DNAJC3: variants seen among roughly 807,000 people sequenced by gnomAD.
DNAJC3 encodes DnaJ heat shock protein family (Hsp40) member C3.
Under a neutral mutation model 68.6 loss-of-function variants are expected in DNAJC3, and 38 were observed. The observed-to-expected ratio is 0.55, with a 90% CI of 0.43 to 0.73. The LOEUF (loss-of-function observed/expected upper bound fraction) is 0.73, where lower values mean the gene tolerates loss of function less well. Among genes scored for constraint, DNAJC3 ranks in the 30% least tolerant of loss-of-function variants. The pLI is 0.00. For missense variants in DNAJC3, 526 were observed against 591.9 expected (o/e 0.89, Z 1.16); for synonymous variants, 203 against 204.0 (o/e 1.00, Z 0.04).
intron 9 of DNAJC3, among the ~76,000 whole-genome samples, chr13:95,775,469 A>G (rs77691702): frequency 0.011 from 1,732 of 152,240 alleles, 34 homozygotes; most frequent in African/African-American, 0.04. Flanking sequence ...TACAGCTTTA[A>G]TGTAATATAA....
At chr13:95,740,509 C>G (rs1407527992) in intron 4 of DNAJC3, among the ~76,000 whole-genome samples, 5 of 152,334 alleles carry the variant, frequency 3.3e-5, no homozygotes, top group Middle Eastern at 3.4e-3. Flanking sequence ...GATATAATCT[C>G]GTGGTGCGCC....
chr13:95,788,984 G>C (rs1785345740), intron 11 of DNAJC3, among the ~76,000 whole-genome samples: 1 of 152,168 alleles, frequency 6.6e-6, no homozygotes, highest in South Asian at 2.1e-4. Context: ...TGTGGCTTCA[G>C]ATTAACCTCC....
chr13:95,737,274 A>G (rs1341392067), intron 4 of DNAJC3, among the ~76,000 whole-genome samples: 1 of 152,164 alleles, frequency 6.6e-6, no homozygotes, highest in Non-Finnish European at 1.5e-5. Context: ...ATATTGGTCT[A>G]AAATTCTCTT....
chr13:95,709,732 C>T (rs1366856443), intron 2 of DNAJC3, among the ~76,000 whole-genome samples: 23 of 151,246 alleles, frequency 1.5e-4, no homozygotes, highest in East Asian at 5.8e-4. Flanking sequence ...CTCTGCCTCC[C>T]GGGTTCATAC....
intron 1 of DNAJC3, among the ~76,000 whole-genome samples, chr13:95,688,680 T>G (rs1217229438): frequency 6.6e-6 from 1 of 152,116 alleles, no homozygotes; most frequent in Admixed American, 6.6e-5. Context: ...GCCTGGCTAC[T>G]TTTTTGCAGA....
intron 2 of DNAJC3, among the ~76,000 whole-genome samples, chr13:95,720,134 T>C (rs1881276868): frequency 1.3e-5 from 2 of 152,214 alleles, no homozygotes; most frequent in South Asian, 4.1e-4. Flanking sequence ...CAGTAAGGGA[T>C]ATGTATTATA....
In DNAJC3 at chr13:95,784,852, T is replaced by TA. The variant is rs17884136; in HGVS notation, c.1076-1086dup. Among the ~76,000 whole-genome samples, 510 of 152,254 alleles carry TA rather than the reference T, an allele frequency of 3.3e-3. 4 individuals carry two copies. The highest frequency in any genetic ancestry group is 0.011 in the African/African-American group (458 of 41,542). On this transcript the variant is annotated intron_variant, in intron 9 of 11. Coordinates refer to ENST00000602402, the MANE Select transcript of DNAJC3 (RefSeq NM_006260.5). ...TGCTGGGCGTGGTGGTGCGTGCCTG[T>TA]AGTCCCAGCTACTTCATGGGCCTGA...
intron 6 of DNAJC3, 147 bp from the exon 7 acceptor site, chr13:95,760,532 T>A: frequency 9.9e-7 from 1 of 1,013,016 alleles, no homozygotes; most frequent in Non-Finnish European, 1.4e-6. Context: ...CAATGCCACG[T>A]ATAAATGTAT....
In DNAJC3 at chr13:95,786,015, A is replaced by G. The variant is rs374042402; in HGVS notation, c.1152A>G (p.Gln384=). 2.5e-6 allele frequency: 4 copies of G among 1,611,982 alleles called. No homozygotes were observed. Among genetic ancestry groups the G allele is most frequent in the South Asian group, 1.1e-5 (1 of 90,336 alleles). The change falls in exon 10 of 12, where the codon CAA becomes CAG. Residue 384 remains glutamine (Q), a synonymous_variant. Transcript: ENST00000602402. ...QQIREGLEKA[Q]RLLKQSQKRD... is the part of the protein sequence containing the mutation. ...TTCGAGAAGGTCTAGAGAAAGCACA[A>G]AGATTATTGAAACAGTCGCAGAAAC...
chr13:95,749,815 C>T (rs957272514), intron 4 of DNAJC3, among the ~76,000 whole-genome samples: 1 of 151,930 alleles, frequency 6.6e-6, no homozygotes, highest in Non-Finnish European at 1.5e-5. Flanking sequence ...TTTGTGAGGC[C>T]GAGGCAGGCG....
intron 1 of DNAJC3, among the ~76,000 whole-genome samples, chr13:95,702,189 G>A (rs9561935): frequency 0.41 from 61,600 of 151,988 alleles, 12,979 homozygotes; most frequent in East Asian, 0.5. Context: ...ATATAACTGT[G>A]TAACCCACAC....
Position 95,787,000 on chromosome 13 carries a change from C to T in DNAJC3, c.1209-7C>T, listed in dbSNP as rs202072148. On this transcript the variant is annotated splice_polypyrimidine_tract_variant and splice_region_variant and intron_variant, in intron 10 of 11. Coordinates refer to ENST00000602402, the MANE Select transcript of DNAJC3 (RefSeq NM_006260.5). ...CACTAATGATTATTTATTTTACCAC[C>T]CCTCAGAAATGCCAAAAAGCAAGAA... 2.5e-6 allele frequency: 4 copies of T among 1,599,900 alleles called. No individual in the cohort carries two copies. The South Asian group carries it at 4.6e-5, about 18-fold the overall frequency.
chr13:95,727,061 C>T (rs771469385), intron 4 of DNAJC3, among the ~76,000 whole-genome samples: 5 of 152,038 alleles, frequency 3.3e-5, no homozygotes, highest in African/African-American at 7.2e-5. Flanking sequence ...GTGATAGTGC[C>T]GGAGTAATCT....
Position 95,725,206 on chromosome 13 carries a change from T to A in DNAJC3, c.347T>A (p.Leu116His). The A allele has an allele frequency of 1.3e-6, 2 of 1,594,398 alleles. No homozygotes were observed. The highest frequency in any genetic ancestry group is 2.3e-5 in the South Asian group (2 of 87,256). The change falls in exon 4 of 12, where the codon CTC (leucine) becomes CAC (histidine). Residue 116 changes from leucine to histidine, a missense_variant. Transcript: ENST00000602402. Reference sequence around the variant, plus strand: ...AGATTACAGAGAGGTCACTTATTACTCAAACAAGGAAAACTTGATGAAGCA... The same window carrying A: ...AGATTACAGAGAGGTCACTTATTACACAAACAAGGAAAACTTGATGAAGCA... ...AARLQRGHLL[L>H]KQGKLDEAED...
At chr13:95,712,356 C>A (rs1880997540) in intron 2 of DNAJC3, among the ~76,000 whole-genome samples, 1 of 150,090 alleles carries the variant, frequency 6.7e-6, no homozygotes, top group South Asian at 2.1e-4. Context: ...TGCTAGAGGT[C>A]CTAGCCAATG....
intron 11 of DNAJC3, among the ~76,000 whole-genome samples, chr13:95,790,554 A>AATT (rs1206137249): frequency 1.3e-5 from 2 of 151,760 alleles, no homozygotes; most frequent in African/African-American, 4.8e-5. Flanking sequence ...GTTTCTCTTG[A>AATT]ATTATTTTTT....
In DNAJC3 at chr13:95,772,191, C is replaced by A. The variant is rs575577900; in HGVS notation, c.1075+8238C>A. Reference sequence around the variant, plus strand: ...GCTGGTAGCACTGTTATCACTTTTCCACTATAAAAAAGCAGAAAAGCATTC... The same window carrying A: ...GCTGGTAGCACTGTTATCACTTTTCAACTATAAAAAAGCAGAAAAGCATTC... On this transcript the variant is annotated intron_variant, in intron 9 of 11. Coordinates refer to ENST00000602402, the MANE Select transcript of DNAJC3 (RefSeq NM_006260.5). Among the ~76,000 whole-genome samples the A allele has an allele frequency of 7.9e-5, 12 of 152,278 alleles. No homozygotes were observed. In the South Asian group the frequency reaches 2.3e-3, roughly 29 times the overall value.
rs1200348049 is a variant in DNAJC3, at chr13:95,677,274, G to C, written c.19G>C (p.Val7Leu). MVAPGS[V>L]TSRLGSVFPF... ...CTCGGACATGGTGGCCCCCGGCTCC[G>C]TGACCAGCCGGCTGGGCTCGGTATT... is the stretch of plus-strand genomic sequence containing the variant. The change falls in exon 1 of 12, where the codon GTG becomes CTG. Residue 7 changes from valine (V) to leucine (L), a missense_variant. Val to Leu is a conservative substitution (Grantham distance 32). Coordinates refer to ENST00000602402, the MANE Select transcript of DNAJC3 (RefSeq NM_006260.5). The C allele has an allele frequency of 1.2e-6, 2 of 1,602,638 alleles. No homozygotes were observed. Among genetic ancestry groups the C allele is most frequent in the South Asian group, 2.2e-5 (2 of 89,532 alleles).
At chr13:95,786,958 T>C in intron 10 of DNAJC3, 49 bp from the exon 11 acceptor site, 1 of 1,564,460 alleles carries the variant, frequency 6.4e-7, no homozygotes, top group Middle Eastern at 1.9e-4. Context: ...TTTATGATAG[T>C]ATGTTAGACA....
Sources: allele counts gnomAD v4.1 joint callset (sites outside exome capture counted in the v4.1 genomes callset), GRCh38; gene constraint gnomAD v4.1.1; transcripts MANE v1.5; gene names NCBI Gene and HGNC (gene_info 2026-07-23, HGNC 2026-07-21).